The following EML4 variants were observed in gnomAD, a reference collection of about 807,000 sequenced individuals.
EML4 encodes the protein echinoderm microtubule-associated protein-like 4.
Under a neutral mutation model 129.0 loss-of-function variants are expected in EML4, and 72 were observed. The observed-to-expected ratio is 0.56, with a 90% CI of 0.46 to 0.68. The LOEUF (loss-of-function observed/expected upper bound fraction) is 0.68, where lower values mean the gene tolerates loss of function less well. Ranked by LOEUF, EML4 falls within the 30% of genes least tolerant of loss-of-function variation. The pLI is 0.00. For synonymous variants in EML4, 532 were observed against 405.0 expected (o/e 1.31, Z -3.77); for missense variants, 1,363 against 1,190.6 (o/e 1.14, Z -2.13).
intron 17 of EML4, among the ~76,000 whole-genome samples, chr2:42,305,125 A>G (rs1252582988): frequency 6.6e-6 from 1 of 152,166 alleles, no homozygotes; most frequent in Non-Finnish European, 1.5e-5. Context: ...CAAAAAAAAT[A>G]ATAAGGCGAG....
rs1357808373 is a variant in EML4, at chr2:42,331,001, C to G, written c.*794C>G. The G allele has an allele frequency of 9.4e-6, 2 of 212,010 alleles. No homozygotes were observed. Among genetic ancestry groups the G allele is most frequent in the Middle Eastern group, 1.5e-3 (1 of 688 alleles). The allele number at this position is 212,010 out of a possible 1,614,324, so 13.1% of individuals were successfully genotyped here. A position where few individuals can be genotyped will look rare whatever the true frequency, so the allele number is the denominator to read the frequency against. On this transcript the variant is annotated 3_prime_UTR_variant, in exon 23 of 23. Transcript: ENST00000318522. The stretch of plus-strand genomic sequence containing the variant: ...GGAGTCCTTTACTAGCCTAAACATT[C>G]TCAAATGTTTGAGATTCAAGTGAAT...
At chr2:42,245,085 A>ATTTCTTTTTTTTTTTTTTTTTTTT (rs1558535322) in intron 1 of EML4, among the ~76,000 whole-genome samples, 1 of 42,148 alleles carries the variant, frequency 2.4e-5, no homozygotes, top group Non-Finnish European at 4.3e-5. Flanking sequence ...TTGTTTTGAA[A>ATTTCTTTTTTTTTTTTTTTTTTTT]TTTTCTTTCT....
At chr2:42,243,259 A>G (rs1409812850) in intron 1 of EML4, among the ~76,000 whole-genome samples, 1 of 152,224 alleles carries the variant, frequency 6.6e-6, no homozygotes, top group Non-Finnish European at 1.5e-5. Flanking sequence ...AAGAAGGAGA[A>G]TAGGAAAGAA....
chr2:42,194,814 C>G (rs1476623018), intron 1 of EML4, among the ~76,000 whole-genome samples: 1 of 152,030 alleles, frequency 6.6e-6, no homozygotes, highest in African/African-American at 2.4e-5. Context: ...TGGCCAGGAT[C>G]TTTAATCTTG....
At chr2:42,269,106 TATA>T (rs2104417661) in intron 6 of EML4, among the ~76,000 whole-genome samples, 1 of 152,352 alleles carries the variant, frequency 6.6e-6, no homozygotes, top group African/African-American at 2.4e-5. Context: ...GAAGGACAGT[TATA>T]ATATCTTAGA....
chr2:42,183,197 T>C (rs1671048956), intron 1 of EML4, among the ~76,000 whole-genome samples: 1 of 152,198 alleles, frequency 6.6e-6, no homozygotes, highest in East Asian at 1.9e-4. Flanking sequence ...TTAACAAATA[T>C]TTATTAAGTA....
intron 1 of EML4, among the ~76,000 whole-genome samples, chr2:42,171,554 A>G (rs984928533): frequency 2.0e-5 from 3 of 152,242 alleles, no homozygotes; most frequent in Non-Finnish European, 4.4e-5. Context: ...GATGAATTGC[A>G]GTTGGGGCTC....
intron 6 of EML4, among the ~76,000 whole-genome samples, chr2:42,277,385 A>G (rs574017513): frequency 1.3e-5 from 2 of 152,342 alleles, no homozygotes; most frequent in South Asian, 2.1e-4. Flanking sequence ...AATTTCAGCT[A>G]TGCTAAAAAT....
intron 1 of EML4, among the ~76,000 whole-genome samples, chr2:42,232,131 T>A (rs1674384840): frequency 6.6e-6 from 1 of 152,144 alleles, no homozygotes; most frequent in African/African-American, 2.4e-5. Flanking sequence ...TTCTTAATCA[T>A]AGAAACAGCT....
chr2:42,173,952 C>G (rs775581825), intron 1 of EML4, among the ~76,000 whole-genome samples: 1 of 152,190 alleles, frequency 6.6e-6, no homozygotes, highest in Non-Finnish European at 1.5e-5. Flanking sequence ...GAATGCTGTG[C>G]TATGTTTCAA....
At chr2:42,169,811 C>T in intron 1 of EML4, 175 bp downstream of exon 1, 1 of 614,368 alleles carries the variant, frequency 1.6e-6, no homozygotes, top group Middle Eastern at 2.7e-4. Context: ...GAGGGCCCCT[C>T]CCCCATGTCC....
intron 6 of EML4, among the ~76,000 whole-genome samples, chr2:42,273,026 T>C (rs1666458847): frequency 6.6e-6 from 1 of 152,180 alleles, no homozygotes; most frequent in Non-Finnish European, 1.5e-5. Context: ...GCCTCCCTGC[T>C]ATAGTTAATT....
At chr2:42,169,786 G>A (rs2103765296) in intron 1 of EML4, 150 bp downstream of exon 1, 1 of 749,890 alleles carries the variant, frequency 1.3e-6, no homozygotes, top group East Asian at 3.3e-5. Flanking sequence ...GCCCCTCCGC[G>A]GACTCCGGTG....
intron 8 of EML4, 40 bp downstream of exon 8, chr2:42,283,012 G>C (rs184044644): frequency 1.3e-6 from 2 of 1,526,450 alleles, no homozygotes; most frequent in African/African-American, 2.8e-5. Context: ...TGTTCTTTCA[G>C]GCCCTCATTT....
chr2:42,322,732 T>G (rs143712078), intron 19 of EML4, among the ~76,000 whole-genome samples: 213 of 152,320 alleles, frequency 1.4e-3, no homozygotes, highest in East Asian at 0.011. Flanking sequence ...GAGTAAAGTT[T>G]GAGGCTTTTT....
At chr2:42,284,830 A>G (rs538631378) in intron 9 of EML4, 127 bp downstream of exon 9, 8 of 556,944 alleles carry the variant, frequency 1.4e-5, no homozygotes, top group Admixed American at 3.8e-5. Flanking sequence ...AATTTCTAGT[A>G]TAAGCATGGA....
At chr2:42,321,421 A>G (rs1459689645) in intron 19 of EML4, among the ~76,000 whole-genome samples, 1 of 152,092 alleles carries the variant, frequency 6.6e-6, no homozygotes, top group Non-Finnish European at 1.5e-5. Context: ...ACTTGAACAC[A>G]TCAGGGATAT....
chr2:42,275,599 A>G (rs2104441101), intron 6 of EML4, among the ~76,000 whole-genome samples: 1 of 152,304 alleles, frequency 6.6e-6, no homozygotes, highest in Middle Eastern at 3.4e-3. Context: ...TTCTTTAATA[A>G]TTAAACTACT....
intron 8 of EML4, 121 bp downstream of exon 8, chr2:42,283,093 G>T: frequency 6.4e-6 from 6 of 934,320 alleles, no homozygotes; most frequent in Non-Finnish European, 9.4e-6. Context: ...AAATATTATG[G>T]GTCATCTGTT....
Sources: allele counts gnomAD v4.1 joint callset (sites outside exome capture counted in the v4.1 genomes callset), GRCh38; gene constraint gnomAD v4.1.1; transcripts MANE v1.5; gene names NCBI Gene and HGNC (gene_info 2026-07-23, HGNC 2026-07-21).